The following DGKB variants were observed in gnomAD, a reference collection of about 807,000 sequenced individuals.
The protein encoded by DGKB is 90 kDa diacylglycerol kinase.
In DGKB, 67 loss-of-function variants were observed where a neutral mutation model predicts 114.3. The observed-to-expected ratio is 0.59, with a 90% CI of 0.48 to 0.72. The LOEUF (loss-of-function observed/expected upper bound fraction) is 0.72. DGKB is among the 30% of genes least tolerant of loss of function. DGKB has a pLI of 0.00. For synonymous variants in DGKB, 398 were observed against 323.1 expected (o/e 1.23, Z -2.49); for missense variants, 907 against 975.2 (o/e 0.93, Z 0.93).
intron 23 of DGKB, among the ~76,000 whole-genome samples, chr7:14,318,316 C>T (rs1412432519): frequency 6.7e-5 from 10 of 149,176 alleles, no homozygotes; most frequent in South Asian, 4.3e-4. Flanking sequence ...AGCTTCTGCA[C>T]AGCAAAAGAA....
At chr7:14,471,869 CTG>C (rs1455580896) in intron 21 of DGKB, among the ~76,000 whole-genome samples, 1 of 152,060 alleles carries the variant, frequency 6.6e-6, no homozygotes, top group Non-Finnish European at 1.5e-5. Context: ...GTTCCACAAA[CTG>C]TGTAGTTACT....
rs1247822317 is a variant in DGKB, at chr7:14,692,835, A to G, written c.711+1240T>C. Among the ~76,000 whole-genome samples the G allele has an allele frequency of 5.3e-5, 8 of 152,084 alleles. No homozygotes were observed. The East Asian group carries it at 1.5e-3, about 29-fold the overall frequency. ...GTAAGCTTCAACTGAGTTTAGAAGA[A>G]ATTTGAAGACCCAGGTAAAAAAGAA... On this transcript the variant is annotated intron_variant, in intron 9 of 25. Transcript: ENST00000402815.
chr7:14,281,139 A>G (rs28762198), intron 23 of DGKB, among the ~76,000 whole-genome samples: 5,635 of 149,310 alleles, frequency 0.038, 316 homozygotes, highest in African/African-American at 0.13. Flanking sequence ...AGACACACAT[A>G]GGCTCAAAAT....
chr7:14,644,470 G>A (rs6954056), intron 13 of DGKB, among the ~76,000 whole-genome samples: 119,604 of 152,124 alleles, frequency 0.79, 47,365 homozygotes, highest in African/African-American at 0.87. Flanking sequence ...AGGCAATACC[G>A]TGATATCAAG....
At chr7:14,535,391 AAAAGAAAG>A (rs1011107531) in intron 20 of DGKB, among the ~76,000 whole-genome samples, 4 of 146,646 alleles carry the variant, frequency 2.7e-5, no homozygotes, top group African/African-American at 1.0e-4. Flanking sequence ...AAAAAAAAAA[AAAAGAAAG>A]AAAGAAAGAA....
chr7:14,644,664 AAG>A (rs1812551843), intron 13 of DGKB, among the ~76,000 whole-genome samples: 1 of 152,202 alleles, frequency 6.6e-6, no homozygotes, highest in African/African-American at 2.4e-5. Context: ...AAAAGAGAAA[AAG>A]AATTTTTAAA....
intron 17 of DGKB, among the ~76,000 whole-genome samples, chr7:14,600,035 A>G (rs889191201): frequency 6.6e-6 from 1 of 152,178 alleles, no homozygotes; most frequent in African/African-American, 2.4e-5. Flanking sequence ...AATGACAGGT[A>G]TTTATTTCTC....
chr7:14,403,715 G>T (rs970521455), intron 21 of DGKB, among the ~76,000 whole-genome samples: 5 of 152,068 alleles, frequency 3.3e-5, no homozygotes, highest in Middle Eastern at 3.4e-3. Context: ...CTATTTACAT[G>T]TGACTGCTTT....
At chr7:14,345,046 C>T (rs2128591507) in intron 22 of DGKB, among the ~76,000 whole-genome samples, 1 of 151,800 alleles carries the variant, frequency 6.6e-6, no homozygotes, top group South Asian at 2.1e-4. Flanking sequence ...GTAACAACTG[C>T]ATCAATTTCC....
chr7:14,490,695 G>T (rs781240724), intron 20 of DGKB, among the ~76,000 whole-genome samples: 1 of 152,262 alleles, frequency 6.6e-6, no homozygotes, highest in Non-Finnish European at 1.5e-5. Flanking sequence ...CTATGACTTA[G>T]AACTTTGTTA....
At chr7:14,235,976 C>T (rs954022818) in intron 23 of DGKB, among the ~76,000 whole-genome samples, 1 of 151,914 alleles carries the variant, frequency 6.6e-6, no homozygotes, top group African/African-American at 2.4e-5. Context: ...AAGACATACA[C>T]GCAGATACAC....
chr7:14,883,592 G>A (rs1854570323), intron 1 of DGKB, among the ~76,000 whole-genome samples: 1 of 151,972 alleles, frequency 6.6e-6, no homozygotes, highest in Non-Finnish European at 1.5e-5. Context: ...GCTGCAAGCT[G>A]GAGTGTACAC....
At chr7:14,301,136 T>C (rs1803472182) in intron 23 of DGKB, among the ~76,000 whole-genome samples, 1 of 152,162 alleles carries the variant, frequency 6.6e-6, no homozygotes, top group Non-Finnish European at 1.5e-5. Flanking sequence ...GTTTGCAGTC[T>C]TTGATATTTT....
chr7:14,914,979 A>G (rs1784169383), intron 1 of DGKB, among the ~76,000 whole-genome samples: 1 of 152,172 alleles, frequency 6.6e-6, no homozygotes, highest in African/African-American at 2.4e-5. Flanking sequence ...GAAATAAAAT[A>G]TAAAGAGCAA....
At position 14,447,510 on chromosome 7, in the gene DGKB, T is replaced by G. The variant is rs147978350; in HGVS notation, c.1835+30651A>C. On this transcript the variant is annotated intron_variant, in intron 21 of 25. Coordinates refer to ENST00000402815, the MANE Select transcript of DGKB (RefSeq NM_001350709.2). The stretch of plus-strand genomic sequence containing the variant: ...CTTATGTATAGAAATAGCTTTGTGT[T>G]GATATACACTGATAATTTGTGAAGA... 2.6e-3 allele frequency among the ~76,000 whole-genome samples: 391 copies of G among 152,262 alleles called. 1 individual carries two copies. The highest frequency in any genetic ancestry group is 3.6e-3 in the Non-Finnish European group (248 of 68,002).
intron 6 of DGKB, among the ~76,000 whole-genome samples, chr7:14,705,473 C>A (rs367685727): frequency 6.6e-6 from 1 of 151,410 alleles, no homozygotes; most frequent in Non-Finnish European, 1.5e-5. Context: ...GAGAACGCCA[C>A]AAAGATACTC....
chr7:14,340,214 G>A (rs890651985), intron 22 of DGKB, among the ~76,000 whole-genome samples: 68 of 127,406 alleles, frequency 5.3e-4, no homozygotes, highest in African/African-American at 1.9e-3. Flanking sequence ...TCCTTTTCTG[G>A]TACTAAATTA....
chr7:14,303,676 C>T (rs1189629937), intron 23 of DGKB, among the ~76,000 whole-genome samples: 1 of 152,024 alleles, frequency 6.6e-6, no homozygotes, highest in African/African-American at 2.4e-5. Flanking sequence ...TTACAGGCAT[C>T]AAAGTAAATC....
Position 14,176,904 on chromosome 7 carries a change from G to C in DGKB, c.2244-5C>G, listed in dbSNP as rs187178572. 1 of 1,613,142 alleles carries C rather than the reference G, an allele frequency of 6.2e-7. No homozygotes were observed. Among genetic ancestry groups the C allele is most frequent in the South Asian group, 1.1e-5 (1 of 91,064 alleles). ...ATTGGCAGAGACTTGCTCGTCCTGG[G>C]GGAAAATATTTCATTGTAAGTATTG... On this transcript the variant is annotated splice_polypyrimidine_tract_variant and splice_region_variant and intron_variant, in intron 24 of 25. Transcript: ENST00000402815.
Sources: gnomAD v4.1 joint callset for allele counts (sites outside exome capture counted in the v4.1 genomes callset) on GRCh38, gnomAD v4.1.1 for gene constraint, MANE v1.5 for transcripts, NCBI Gene and HGNC (gene_info 2026-07-23, HGNC 2026-07-21) for gene names.